CSMD1: variants seen among roughly 807,000 people sequenced by gnomAD.
The protein encoded by CSMD1 is CUB and Sushi multiple domains 1, also known as CUB and sushi domain-containing protein 1.
CSMD1 carries 213 observed loss-of-function variants against 417.5 expected under a neutral mutation model. The observed-to-expected ratio is 0.51, with a 90% confidence interval of 0.46 to 0.57. The LOEUF (loss-of-function observed/expected upper bound fraction) is 0.57, where lower values mean the gene tolerates loss of function less well. Among genes scored for constraint, CSMD1 ranks in the 20% least tolerant of loss-of-function variants. CSMD1 has a pLI of 0.00. For synonymous variants in CSMD1, 2,862 were observed against 1,736.8 expected, an observed-to-expected ratio of 1.65 and a Z score of -16.11; for missense variants, 6,923 against 4,529.7, an observed-to-expected ratio of 1.53 and a Z score of -15.17.
intron 1 of CSMD1, among the ~76,000 whole-genome samples, chr8:4,897,916 TG>T (rs1804611502): frequency 6.6e-6 from 1 of 152,138 alleles, no homozygotes; most frequent in African/African-American, 2.4e-5. Flanking sequence ...CTTTGTTAAG[TG>T]GGGACATTAG....
intron 52 of CSMD1, among the ~76,000 whole-genome samples, chr8:3,014,512 G>T (rs1808673699): frequency 6.6e-6 from 1 of 152,152 alleles, no homozygotes; most frequent in South Asian, 2.1e-4. Context: ...TAACTCAGCA[G>T]TGTGATTTTT....
At chr8:3,893,622 G>A (rs1411025784) in intron 5 of CSMD1, among the ~76,000 whole-genome samples, 2 of 151,822 alleles carry the variant, frequency 1.3e-5, no homozygotes, top group African/African-American at 4.8e-5. Context: ...TCTACTTACT[G>A]TGCATGGTGT....
At chr8:3,328,797 T>C (rs1806702772) in intron 23 of CSMD1, among the ~76,000 whole-genome samples, 1 of 152,218 alleles carries the variant, frequency 6.6e-6, no homozygotes, top group Non-Finnish European at 1.5e-5. Context: ...GAAATAAATT[T>C]TAAATTAAAT....
chr8:3,854,628 C>T (rs1490474106), intron 5 of CSMD1, among the ~76,000 whole-genome samples: 1 of 151,790 alleles, frequency 6.6e-6, no homozygotes, highest in Non-Finnish European at 1.5e-5. Flanking sequence ...GCTCCATTGT[C>T]AGGCCTTATG....
chr8:3,954,777 G>C (rs187160067), intron 5 of CSMD1, among the ~76,000 whole-genome samples: 1 of 151,680 alleles, frequency 6.6e-6, no homozygotes, highest in South Asian at 2.1e-4. Flanking sequence ...TAATGTGGCA[G>C]GGAGTTACAT....
At chr8:4,530,314 C>CTTTTTTTTGTTTTTTTTT (rs1796739717) in intron 2 of CSMD1, among the ~76,000 whole-genome samples, 1 of 46,658 alleles carries the variant, frequency 2.1e-5, no homozygotes, top group Non-Finnish European at 3.7e-5. Flanking sequence ...ACAGGTAGTG[C>CTTTTTTTTGTTTTTTTTT]TTTTTTTTTT....
At chr8:4,342,914 T>C (rs1318079153) in intron 3 of CSMD1, among the ~76,000 whole-genome samples, 2 of 152,038 alleles carry the variant, frequency 1.3e-5, no homozygotes, top group Non-Finnish European at 2.9e-5. Context: ...TTTTAGAGAA[T>C]TCCAAGATAT....
chr8:4,572,194 G>A (rs1340449382), intron 2 of CSMD1, among the ~76,000 whole-genome samples: 1 of 152,184 alleles, frequency 6.6e-6, no homozygotes, highest in African/African-American at 2.4e-5. Flanking sequence ...AATAGTTGAT[G>A]CAGTTTCTTC....
chr8:4,320,605 G>A lies in CSMD1; in HGVS notation c.415+99348C>T, dbSNP rs556109718. On this transcript the variant is annotated intron_variant, in intron 3 of 69. Transcript: ENST00000635120. ...CTCCCACTTATGAGTGAGAACATGCGGTGTTTGGCTTTCTGTTCTTGTGTT... is the reference window on the plus strand; with the variant it reads ...CTCCCACTTATGAGTGAGAACATGCAGTGTTTGGCTTTCTGTTCTTGTGTT... Among the ~76,000 whole-genome samples, 36 of 152,108 alleles carry A rather than the reference G, an allele frequency of 2.4e-4. No homozygotes were observed. In the East Asian group the frequency reaches 3.5e-3, roughly 15 times the overall value.
rs752192346 is a variant in CSMD1, at chr8:3,359,359, G to C, written c.3116-19C>G. The C allele has an allele frequency of 1.5e-5, 24 of 1,589,482 alleles. No homozygotes were observed. The highest frequency in any genetic ancestry group is 4.5e-5 in the South Asian group (4 of 89,786). ...TCATATTCTGAGGCATGCAGAGACA[G>C]AGTAAATGCATGAGGATTTGGGTAA... On this transcript the variant is annotated intron_variant, in intron 20 of 69. Transcript: ENST00000635120.
intron 1 of CSMD1, among the ~76,000 whole-genome samples, chr8:4,806,845 TA>T (rs1244251817): frequency 1.3e-5 from 2 of 152,050 alleles, no homozygotes; most frequent in Non-Finnish European, 2.9e-5. Context: ...GAAGGTGTCA[TA>T]AAAAAATAAT....
intron 11 of CSMD1, among the ~76,000 whole-genome samples, chr8:3,489,675 T>G (rs369206321): frequency 4.0e-4 from 61 of 152,318 alleles, no homozygotes; most frequent in African/African-American, 1.4e-3. Context: ...CTTCATGTTT[T>G]TATTCTTTTA....
At chr8:4,459,658 A>G (rs1040560211) in intron 2 of CSMD1, among the ~76,000 whole-genome samples, 2 of 152,220 alleles carry the variant, frequency 1.3e-5, no homozygotes, top group African/African-American at 4.8e-5. Context: ...GGCCTCAAAA[A>G]TATCTCCTGC....
intron 26 of CSMD1, among the ~76,000 whole-genome samples, chr8:3,277,459 A>G (rs1213528252): frequency 6.6e-5 from 10 of 152,082 alleles, no homozygotes; most frequent in Admixed American, 6.5e-4. Context: ...GGTTGGGAGA[A>G]TTGGATTTTG....
At chr8:4,395,326 C>G (rs1457568579) in intron 3 of CSMD1, among the ~76,000 whole-genome samples, 1 of 152,194 alleles carries the variant, frequency 6.6e-6, no homozygotes, top group East Asian at 1.9e-4. Context: ...CTTCGCTATT[C>G]TTAGTATCTG....
chr8:3,282,937 C>G (rs531880391), intron 26 of CSMD1, among the ~76,000 whole-genome samples: 1 of 152,064 alleles, frequency 6.6e-6, no homozygotes. Context: ...GATGGCTGAC[C>G]TTGTGTGCTG....
intron 1 of CSMD1, among the ~76,000 whole-genome samples, chr8:4,872,897 C>T (rs1048484074): frequency 6.6e-6 from 1 of 151,960 alleles, no homozygotes; most frequent in African/African-American, 2.4e-5. Flanking sequence ...ATACTTTGTG[C>T]GATGTCTGAA....
chr8:4,170,218 T>C (rs1797693414), intron 3 of CSMD1, among the ~76,000 whole-genome samples: 2 of 151,884 alleles, frequency 1.3e-5, no homozygotes, highest in Admixed American at 1.3e-4. Context: ...AACTAGCTGT[T>C]ATCTCTTCTC....
intron 5 of CSMD1, among the ~76,000 whole-genome samples, chr8:3,855,807 C>T (rs1804263841): frequency 6.6e-6 from 1 of 152,106 alleles, no homozygotes; most frequent in African/African-American, 2.4e-5. Flanking sequence ...AGAATTTTTA[C>T]TAGTAGGGTA....
Sources: allele counts gnomAD v4.1 joint callset (sites outside exome capture counted in the v4.1 genomes callset), GRCh38; gene constraint gnomAD v4.1.1; transcripts MANE v1.5; gene names NCBI Gene and HGNC (gene_info 2026-07-23, HGNC 2026-07-21).